Variants in PSMC2 observed in about 807,000 individuals in gnomAD.
PSMC2 encodes proteasome 26S subunit, ATPase 2, also known as 26S proteasome regulatory subunit 7.
PSMC2 carries 7 observed loss-of-function variants against 53.3 expected under a neutral mutation model. The observed-to-expected ratio is 0.13, with a 90% CI of 0.07 to 0.25. The LOEUF is 0.25. Ranked by LOEUF, PSMC2 falls within the 10% of genes least tolerant of loss-of-function variation. PSMC2 has a pLI of 1.00. For synonymous variants in PSMC2, 169 were observed against 183.9 expected, an observed-to-expected ratio of 0.92 and a Z score of 0.66; for missense variants, 241 against 544.0, an observed-to-expected ratio of 0.44 and a Z score of 5.54.
Position 103,367,474 on chromosome 7 carries a change from G to GTTGGAACC in PSMC2, c.906_907insTTGGAACC (p.Ile303LeufsTer19). 1 of 1,614,114 alleles carries GTTGGAACC rather than the reference G, an allele frequency of 6.2e-7. No individual in the cohort carries two copies. The highest frequency in any genetic ancestry group is 8.5e-7 in the Non-Finnish European group (1 of 1,180,016). On this transcript the variant is annotated frameshift_variant, in exon 10 of 12. Transcript: ENST00000292644. LOFTEE classifies it high-confidence loss of function. The surrounding 1 kb of genome is among the most constrained non-coding windows in gnomAD (Gnocchi z 6.1). ...AAGTGCAGAGAACAATGTTGGAACT[G>GTTGGAACC]ATCAATCAGCTTGATGGTTTTGATC...
intron 8 of PSMC2, among the ~76,000 whole-genome samples, chr7:103,365,863 G>A (rs1047040220): frequency 6.6e-6 from 1 of 152,158 alleles, no homozygotes; most frequent in Non-Finnish European, 1.5e-5. Context: ...AGGCGGCAGA[G>A]GTTGCAGTGA....
chr7:103,362,894 A>G, intron 6 of PSMC2, 136 bp downstream of exon 6: 1 of 649,834 alleles, frequency 1.5e-6, no homozygotes, highest in Admixed American at 3.0e-5. Context: ...CCCGGGTTCA[A>G]GCAATTCTCC....
intron 1 of PSMC2, 94 bp from the exon 2 acceptor site, chr7:103,353,827 T>C: frequency 9.2e-7 from 1 of 1,082,992 alleles, no homozygotes; most frequent in Non-Finnish European, 1.4e-6. Context: ...CTTAAAACAA[T>C]TTGAATCGAA....
chr7:103,353,995 T>C (rs1320018757), intron 2 of PSMC2, 37 bp downstream of exon 2: 2 of 1,473,254 alleles, frequency 1.4e-6, no homozygotes, highest in African/African-American at 2.9e-5. Context: ...ATAGATGTTT[T>C]ATGTTGAAAT....
At chr7:103,363,860 T>A (rs1328235053) in intron 7 of PSMC2, among the ~76,000 whole-genome samples, 16 of 152,222 alleles carry the variant, frequency 1.1e-4, no homozygotes, top group Admixed American at 1.0e-3. Context: ...TAATTTTTTT[T>A]AAATTAGGAA....
chr7:103,351,364 G>C (rs1819732423), intron 1 of PSMC2, among the ~76,000 whole-genome samples: 1 of 152,216 alleles, frequency 6.6e-6, no homozygotes, highest in Non-Finnish European at 1.5e-5. Context: ...TCCTCTTCCA[G>C]TGGAGTCACA....
chr7:103,365,112 C>A (rs1162798239), intron 8 of PSMC2, among the ~76,000 whole-genome samples: 1 of 151,624 alleles, frequency 6.6e-6, no homozygotes, highest in Non-Finnish European at 1.5e-5. Context: ...CTAAAACTTG[C>A]AAGTCAAATT....
chr7:103,366,195 G>A, intron 9 of PSMC2, 32 bp downstream of exon 9: 3 of 1,555,538 alleles, frequency 1.9e-6, no homozygotes, highest in Non-Finnish European at 2.7e-6. Flanking sequence ...ACTGCTTTAG[G>A]ATTCAGTTTC....
intron 1 of PSMC2, among the ~76,000 whole-genome samples, chr7:103,349,652 G>T (rs62482406): frequency 0.065 from 9,878 of 152,122 alleles, 394 homozygotes; most frequent in South Asian, 0.13. Context: ...GTTTCACAAT[G>T]TTGGCCAGGC....
At chr7:103,355,173 T>A (rs1196021382) in intron 3 of PSMC2, among the ~76,000 whole-genome samples, 1 of 152,236 alleles carries the variant, frequency 6.6e-6, no homozygotes, top group Non-Finnish European at 1.5e-5. Context: ...TACCATCTTC[T>A]AAGCCAGTAA....
At chr7:103,360,078 C>CAA (rs879838360) in intron 4 of PSMC2, among the ~76,000 whole-genome samples, 4 of 105,370 alleles carry the variant, frequency 3.8e-5, no homozygotes, top group East Asian at 2.7e-4. Context: ...GATTCCGTCT[C>CAA]AAAAAAAAAA....
At chr7:103,351,699 T>C (rs553356220) in intron 1 of PSMC2, among the ~76,000 whole-genome samples, 10 of 152,282 alleles carry the variant, frequency 6.6e-5, no homozygotes, top group African/African-American at 2.4e-4. Flanking sequence ...AGCAGTTAAC[T>C]CTTCTGTGCA....
Position 103,363,334 on chromosome 7 carries a change from CCTCT to C in PSMC2, c.496-7_496-4del. ...TGACTGTATGTTGTACATTTCTGTC[CCTCT>C]CTTAGGTGGAAGAGAAACCTGATGT... is the stretch of plus-strand genomic sequence containing the variant. On this transcript the variant is annotated splice_polypyrimidine_tract_variant and splice_region_variant and intron_variant, in intron 6 of 11. Transcript: ENST00000292644. 1 of 1,599,252 alleles carries C rather than the reference CCTCT, an allele frequency of 6.3e-7. No individual in the cohort carries two copies. Among genetic ancestry groups the C allele is most frequent in the Non-Finnish European group, 8.6e-7 (1 of 1,166,608 alleles).
intron 6 of PSMC2, among the ~76,000 whole-genome samples, chr7:103,362,968 A>C (rs10279441): frequency 0.064 from 9,707 of 151,780 alleles, 463 homozygotes; most frequent in African/African-American, 0.14. Context: ...TAATTTTTGT[A>C]TTTTTAGTAG....
intron 8 of PSMC2, among the ~76,000 whole-genome samples, chr7:103,364,958 C>CATACATATAT (rs374432802): frequency 5.6e-5 from 7 of 125,498 alleles, no homozygotes; most frequent in Non-Finnish European, 8.3e-5. Context: ...TGTAGACATA[C>CATACATATAT]ATATATATAT....
intron 1 of PSMC2, chr7:103,348,766 G>A (rs1161672331): frequency 1.5e-5 from 16 of 1,074,188 alleles, no homozygotes; most frequent in Non-Finnish European, 2.3e-5. Context: ...CATTAAGTTG[G>A]ACTAAGTGAT....
At chr7:103,364,422 T>C (rs758007862) in intron 8 of PSMC2, 115 bp downstream of exon 8, 7 of 1,208,820 alleles carry the variant, frequency 5.8e-6, no homozygotes, top group Non-Finnish European at 5.8e-6. Flanking sequence ...CTTTTTTCTT[T>C]TGTTGAGACA....
chr7:103,352,111 A>T (rs973914851), intron 1 of PSMC2, among the ~76,000 whole-genome samples: 3 of 145,826 alleles, frequency 2.1e-5, no homozygotes, highest in Non-Finnish European at 4.5e-5. Context: ...ACCTCCATCT[A>T]CTTAATTTCC....
Position 103,364,920 on chromosome 7 carries a change from A to G in PSMC2, c.756+613A>G, listed in dbSNP as rs1255309101. Among the ~76,000 whole-genome samples, 3 of 142,874 alleles carry G rather than the reference A, an allele frequency of 2.1e-5. No individual in the cohort carries two copies. The East Asian group carries it at 6.3e-4, about 30-fold the overall frequency. 93.7% of individuals were successfully genotyped at this position (142,874 alleles called of 152,430 possible). Reference sequence around the variant, plus strand: ...GGCAGTGTTTTCAGTCCTAATGAGAAAGTGAGAACATAGGTTGTTTTTATG... The same window carrying G: ...GGCAGTGTTTTCAGTCCTAATGAGAGAGTGAGAACATAGGTTGTTTTTATG... On this transcript the variant is annotated intron_variant, in intron 8 of 11. Transcript: ENST00000292644.
Sources: gnomAD v4.1 joint callset for allele counts (sites outside exome capture counted in the v4.1 genomes callset) on GRCh38, gnomAD v4.1.1 for gene constraint, Gnocchi (gnomAD v3.1) non-coding constraint, MANE v1.5 for transcripts, NCBI Gene and HGNC (gene_info 2026-07-23, HGNC 2026-07-21) for gene names.